CRX: variants seen among roughly 807,000 people sequenced by gnomAD.
CRX encodes cone-rod homeobox protein.
Under a neutral mutation model 13.1 loss-of-function variants are expected in CRX, and 5 were observed. The observed-to-expected ratio is 0.38, with a 90% CI of 0.20 to 0.80. The LOEUF (loss-of-function observed/expected upper bound fraction) is 0.80, where lower values mean the gene tolerates loss of function less well. CRX is among the 30% of genes least tolerant of loss of function. The probability of loss-of-function intolerance (pLI) is 0.43; values close to 1 mark genes in which losing one functional copy is unlikely to be tolerated. For missense variants in CRX, 351 were observed against 391.8 expected, an observed-to-expected ratio of 0.90 and a Z score of 0.88; for synonymous variants, 179 against 171.1, an observed-to-expected ratio of 1.05 and a Z score of -0.36.
At position 47,840,800 on chromosome 19, in the gene CRX, A is replaced by C. The variant is rs1599994442; in HGVS notation, c.*833A>C. 2.3e-5 allele frequency: 3 copies of C among 131,880 alleles called. No homozygotes were observed. Among genetic ancestry groups the C allele is most frequent in the Non-Finnish European group, 3.1e-5 (2 of 63,926 alleles). 8.2% of individuals were successfully genotyped at this position (131,880 alleles called of 1,614,324 possible). A position where few individuals can be genotyped will look rare whatever the true frequency, so the allele number is the denominator to read the frequency against. On this transcript the variant is annotated 3_prime_UTR_variant, in exon 4 of 4. Transcript: ENST00000221996. ...TCTCAGCTCACTGACTGCAACCTCCACCTCCCGGGTTGAAGCGTTGCTCCT... is the reference window on the plus strand; with the variant it reads ...TCTCAGCTCACTGACTGCAACCTCCCCCTCCCGGGTTGAAGCGTTGCTCCT...
chr19:47,832,220 C>T (rs1968059222), intron 1 of CRX, among the ~76,000 whole-genome samples: 1 of 145,332 alleles, frequency 6.9e-6, no homozygotes, highest in Non-Finnish European at 1.5e-5. Flanking sequence ...ATTCTCCTGC[C>T]TCAGCCTCCC....
At position 47,839,092 on chromosome 19, in the gene CRX, G is replaced by C. The variant is rs1334119044; in HGVS notation, c.253-228G>C. ...GTGCATGTTTGCATTAGACGGATGG[G>C]ATGAATGCACATGGGTATGATGTAT... On this transcript the variant is annotated intron_variant, in intron 3 of 3. Coordinates refer to ENST00000221996, the MANE Select transcript of CRX (RefSeq NM_000554.6). The surrounding 1 kb of genome is among the most constrained non-coding windows in gnomAD (Gnocchi z 4.6). Among the ~76,000 whole-genome samples, 1 of 152,060 alleles carries C rather than the reference G, an allele frequency of 6.6e-6. No homozygotes were observed. Among genetic ancestry groups the C allele is most frequent in the Non-Finnish European group, 1.5e-5 (1 of 67,988 alleles).
At chr19:47,836,497 A>C in intron 3 of CRX, 103 bp downstream of exon 3, 1 of 1,471,334 alleles carries the variant, frequency 6.8e-7, no homozygotes, top group Non-Finnish European at 9.5e-7. Context: ...ACAGAGTGAC[A>C]GCCAAAGTTA....
At chr19:47,835,178 T>C (rs1968101204) in intron 2 of CRX, among the ~76,000 whole-genome samples, 1 of 151,860 alleles carries the variant, frequency 6.6e-6, no homozygotes, top group Non-Finnish European at 1.5e-5. Context: ...TAAGTTTTTG[T>C]AGATTTTGCA....
chr19:47,825,577 G>T (rs1967965166), intron 1 of CRX, among the ~76,000 whole-genome samples: 1 of 152,016 alleles, frequency 6.6e-6, no homozygotes, highest in South Asian at 2.1e-4. Flanking sequence ...TGTTTGATCT[G>T]GGGCCCACAC....
rs186284323 is a variant in CRX, at chr19:47,827,924, C to T, written c.-36+5914C>T. On this transcript the variant is annotated intron_variant, in intron 1 of 3. Transcript: ENST00000221996. ...ATCCCAGCACTTTGGGAGGCCGAGG[C>T]GGGTGGATCACATGAGGTCAGGAGT... 9.5e-3 allele frequency among the ~76,000 whole-genome samples: 1,225 copies of T among 128,564 alleles called. 14 individuals are homozygous for T. The highest frequency in any genetic ancestry group is 0.035 in the African/African-American group (1,158 of 33,292). 84.3% of individuals were successfully genotyped at this position (128,564 alleles called of 152,430 possible). A position where few individuals can be genotyped will look rare whatever the true frequency, so the allele number is the denominator to read the frequency against.
intron 1 of CRX, among the ~76,000 whole-genome samples, chr19:47,831,931 G>A (rs1163361339): frequency 3.3e-5 from 5 of 150,274 alleles, no homozygotes; most frequent in East Asian, 2.0e-4. Context: ...TAGTTGAGAC[G>A]TTTCACCATG....
In CRX at chr19:47,823,458, G is replaced by C. The variant is rs185445486; in HGVS notation, c.-36+1448G>C. Among the ~76,000 whole-genome samples, 512 of 152,262 alleles carry C rather than the reference G, an allele frequency of 3.4e-3. 15 individuals carry two copies. Among genetic ancestry groups the C allele is most frequent in the Admixed American group, 0.03 (458 of 15,288 alleles). ...GTTGATTTGCTCAGGCTCTAACTGTGCCGTGGATCCCAGCTTCCCCCAGGT... is the reference window on the plus strand; with the variant it reads ...GTTGATTTGCTCAGGCTCTAACTGTCCCGTGGATCCCAGCTTCCCCCAGGT... On this transcript the variant is annotated intron_variant, in intron 1 of 3. Coordinates refer to ENST00000221996, the MANE Select transcript of CRX (RefSeq NM_000554.6).
chr19:47,828,152 C>T (rs1393080245), intron 1 of CRX, among the ~76,000 whole-genome samples: 1 of 150,882 alleles, frequency 6.6e-6, no homozygotes, highest in Non-Finnish European at 1.5e-5. Context: ...GAGACTTCAT[C>T]TCAAAAAAAA....
intron 1 of CRX, among the ~76,000 whole-genome samples, chr19:47,831,747 T>G (rs537613128): frequency 2.6e-4 from 40 of 152,072 alleles, no homozygotes; most frequent in African/African-American, 9.2e-4. Context: ...TTTTTTTAAT[T>G]TTTATTTTTT....
At chr19:47,823,979 C>T (rs1967944049) in intron 1 of CRX, among the ~76,000 whole-genome samples, 1 of 152,158 alleles carries the variant, frequency 6.6e-6, no homozygotes, top group Non-Finnish European at 1.5e-5. Context: ...GTTCTTTTCT[C>T]ACTGTGTGGC....
At chr19:47,829,623 A>G (rs1968019547) in intron 1 of CRX, among the ~76,000 whole-genome samples, 1 of 151,844 alleles carries the variant, frequency 6.6e-6, no homozygotes, top group South Asian at 2.1e-4. Context: ...GAGCAACTGC[A>G]CCTGGCCTAT....
At chr19:47,831,812 G>C (rs1020097132) in intron 1 of CRX, among the ~76,000 whole-genome samples, 3 of 151,998 alleles carry the variant, frequency 2.0e-5, no homozygotes, top group Admixed American at 6.6e-5. Context: ...GCACGATCTG[G>C]GCTCACTGCA....
intron 1 of CRX, among the ~76,000 whole-genome samples, chr19:47,829,169 G>T (rs1225911890): frequency 6.6e-6 from 1 of 152,064 alleles, no homozygotes; most frequent in East Asian, 1.9e-4. Flanking sequence ...AGGCTGGAGT[G>T]CACTGGCATA....
chr19:47,828,484 G>A (rs1286571098), intron 1 of CRX, among the ~76,000 whole-genome samples: 1 of 152,076 alleles, frequency 6.6e-6, no homozygotes, highest in Non-Finnish European at 1.5e-5. Flanking sequence ...TGGGGACATG[G>A]CAGGAACCGA....
intron 1 of CRX, among the ~76,000 whole-genome samples, chr19:47,830,440 C>T (rs759225211): frequency 2.0e-5 from 3 of 151,148 alleles, no homozygotes; most frequent in African/African-American, 7.3e-5. Flanking sequence ...CAGTGGCTCA[C>T]GCCTGTAATC....
intron 1 of CRX, 119 bp from the exon 2 acceptor site, chr19:47,834,290 T>C (rs1968089502): frequency 1.4e-6 from 1 of 698,018 alleles, no homozygotes; most frequent in Non-Finnish European, 2.6e-6. Context: ...AGAGGTGAGA[T>C]AAATGGCCAA....
intron 1 of CRX, among the ~76,000 whole-genome samples, chr19:47,830,793 T>TAA (rs36112007): frequency 1.2e-3 from 166 of 137,890 alleles, no homozygotes; most frequent in Non-Finnish European, 1.8e-3. Flanking sequence ...AAGACTCCAT[T>TAA]AAAAAAAAAA....
At position 47,840,379 on chromosome 19, in the gene CRX, C is replaced by T. The variant is rs912309338; in HGVS notation, c.*412C>T. On this transcript the variant is annotated 3_prime_UTR_variant, in exon 4 of 4. Coordinates refer to ENST00000221996, the MANE Select transcript of CRX (RefSeq NM_000554.6). Reference sequence around the variant, plus strand: ...AGGGGGGCTTGATAACTTAACTTTCCACGTGGACAGAATTTTTTTTTTTGT... The same window carrying T: ...AGGGGGGCTTGATAACTTAACTTTCTACGTGGACAGAATTTTTTTTTTTGT... 2 of 216,426 alleles carry T rather than the reference C, an allele frequency of 9.2e-6. No individual in the cohort carries two copies. Among genetic ancestry groups the T allele is most frequent in the Admixed American group, 5.2e-5 (1 of 19,118 alleles). 13.4% of individuals were successfully genotyped at this position (216,426 alleles called of 1,614,324 possible). A position where few individuals can be genotyped will look rare whatever the true frequency, so the allele number is the denominator to read the frequency against.
Sources: allele counts gnomAD v4.1 joint callset (sites outside exome capture counted in the v4.1 genomes callset), GRCh38; gene constraint gnomAD v4.1.1; non-coding constraint Gnocchi (gnomAD v3.1); transcripts MANE v1.5; gene names NCBI Gene and HGNC (gene_info 2026-07-23, HGNC 2026-07-21).